The following TGFBR3 variants were observed in gnomAD, a reference collection of about 807,000 sequenced individuals.
The protein encoded by TGFBR3 is transforming growth factor beta receptor type 3.
TGFBR3 carries 46 observed loss-of-function variants against 87.9 expected under a neutral mutation model. The observed-to-expected ratio is 0.52, with a 90% CI of 0.41 to 0.67. The LOEUF is 0.67. Ranked by LOEUF, TGFBR3 falls within the 30% of genes least tolerant of loss-of-function variation. TGFBR3 has a pLI of 0.00. For synonymous variants in TGFBR3, 381 were observed against 391.6 expected (o/e 0.97, Z 0.32); for missense variants, 866 against 1,041.9 (o/e 0.83, Z 2.32).
chr1:91,696,080 T>A (rs1261867356), intron 15 of TGFBR3, among the ~76,000 whole-genome samples: 1 of 152,194 alleles, frequency 6.6e-6, no homozygotes, highest in Non-Finnish European at 1.5e-5. Flanking sequence ...ATTGTCTCAC[T>A]CTAAGGACCT....
At chr1:91,837,010 C>T (rs148154011) in intron 2 of TGFBR3, among the ~76,000 whole-genome samples, 1 of 152,216 alleles carries the variant, frequency 6.6e-6, no homozygotes, top group East Asian at 1.9e-4. Flanking sequence ...CTTCCCCTCC[C>T]TTTTGTTTCC....
chr1:91,704,389 G>A (rs190791914), intron 14 of TGFBR3, among the ~76,000 whole-genome samples: 50 of 152,040 alleles, frequency 3.3e-4, no homozygotes, highest in African/African-American at 1.1e-3. Context: ...AGGAAGAGGG[G>A]TGTGAAGACA....
intron 15 of TGFBR3, among the ~76,000 whole-genome samples, chr1:91,697,069 C>T (rs962779412): frequency 6.6e-6 from 1 of 152,138 alleles, no homozygotes; most frequent in Non-Finnish European, 1.5e-5. Flanking sequence ...GTGGGAAGAG[C>T]TCCCTGGAGG....
chr1:91,752,524 C>T (rs1038768546), intron 4 of TGFBR3, among the ~76,000 whole-genome samples: 2 of 152,152 alleles, frequency 1.3e-5, no homozygotes, highest in African/African-American at 2.4e-5. Context: ...ATCTTAGATA[C>T]CCTTTTTTCC....
intron 1 of TGFBR3, among the ~76,000 whole-genome samples, chr1:91,902,473 G>T (rs1183533863): frequency 6.6e-6 from 1 of 151,960 alleles, no homozygotes; most frequent in East Asian, 1.9e-4. Context: ...TGTAGAGACA[G>T]GGTCTTGCCA....
At chr1:91,786,049 C>A in intron 3 of TGFBR3, 1 of 368,136 alleles carries the variant, frequency 2.7e-6, no homozygotes, top group Non-Finnish European at 5.4e-6. Context: ...CAGGCGTGAG[C>A]CACCACAGCT....
intron 2 of TGFBR3, among the ~76,000 whole-genome samples, chr1:91,839,322 C>T (rs1677182260): frequency 6.6e-6 from 1 of 152,148 alleles, no homozygotes. Flanking sequence ...TTCTTCTTTA[C>T]TATTACACCT....
intron 16 of TGFBR3, among the ~76,000 whole-genome samples, chr1:91,692,057 GATA>G (rs1411092846): frequency 5.3e-5 from 8 of 152,060 alleles, no homozygotes; most frequent in Non-Finnish European, 1.2e-4. Flanking sequence ...GGTGGGGAAA[GATA>G]ATAATTAATT....
At chr1:91,791,131 T>C (rs1284293314) in intron 3 of TGFBR3, among the ~76,000 whole-genome samples, 1 of 152,158 alleles carries the variant, frequency 6.6e-6, no homozygotes. Flanking sequence ...CTCTTGCATA[T>C]CATTCTTAGC....
Position 91,709,366 on chromosome 1 carries a change from T to C in TGFBR3, c.2167-583A>G, listed in dbSNP as rs138268089. 6.6e-5 allele frequency among the ~76,000 whole-genome samples: 10 copies of C among 152,344 alleles called. No homozygotes were observed. The East Asian group carries it at 1.7e-3, about 26-fold the overall frequency. On this transcript the variant is annotated intron_variant, in intron 13 of 16. Transcript: ENST00000212355. ...GAAAAATCATGTAACACAAAGCTTA[T>C]TTCATAACAAAGTGTTGAATAGCTC...
At chr1:91,831,786 G>A (rs150198046) in intron 2 of TGFBR3, among the ~76,000 whole-genome samples, 2 of 152,266 alleles carry the variant, frequency 1.3e-5, no homozygotes, top group East Asian at 1.9e-4. Flanking sequence ...ATCAAAACAC[G>A]TAACAATTAA....
At chr1:91,904,563 A>ATTTTTTTTTT (rs111512659) in intron 1 of TGFBR3, among the ~76,000 whole-genome samples, 2 of 115,112 alleles carry the variant, frequency 1.7e-5, no homozygotes, top group African/African-American at 6.6e-5. Flanking sequence ...CATGCAGCTG[A>ATTTTTTTTTT]TTTTTTTTTT....
intron 1 of TGFBR3, among the ~76,000 whole-genome samples, chr1:91,864,705 C>T (rs1678321901): frequency 6.6e-6 from 1 of 152,202 alleles, no homozygotes; most frequent in African/African-American, 2.4e-5. Flanking sequence ...TGCCTTAACA[C>T]CCGACTTAGG....
intron 3 of TGFBR3, among the ~76,000 whole-genome samples, chr1:91,778,949 G>A (rs1674670188): frequency 6.6e-6 from 1 of 152,188 alleles, no homozygotes; most frequent in Non-Finnish European, 1.5e-5. Context: ...CAGGGACTGG[G>A]TGAAGGCAGC....
At chr1:91,702,054 C>T (rs12139498) in intron 14 of TGFBR3, among the ~76,000 whole-genome samples, 1 of 152,090 alleles carries the variant, frequency 6.6e-6, no homozygotes, top group Non-Finnish European at 1.5e-5. Context: ...TACAACTGGG[C>T]TGGTGGTGGG....
At chr1:91,727,180 A>C (rs2100802122) in intron 7 of TGFBR3, among the ~76,000 whole-genome samples, 1 of 152,348 alleles carries the variant, frequency 6.6e-6, no homozygotes, top group South Asian at 2.1e-4. Flanking sequence ...TTCGTATTTA[A>C]CTCAAAAAGA....
intron 5 of TGFBR3, among the ~76,000 whole-genome samples, 168 bp downstream of exon 5, chr1:91,734,608 G>A (rs1672891990): frequency 6.6e-6 from 1 of 152,252 alleles, no homozygotes; most frequent in Admixed American, 6.5e-5. Context: ...AAAGAAGGGA[G>A]GGAATATGGG....
intron 2 of TGFBR3, among the ~76,000 whole-genome samples, chr1:91,823,329 T>G (rs1362595823): frequency 6.6e-6 from 1 of 152,206 alleles, no homozygotes; most frequent in Non-Finnish European, 1.5e-5. Flanking sequence ...GCGTGGCAAG[T>G]TCTTATAAAG....
At chr1:91,840,774 T>A (rs181732457) in intron 2 of TGFBR3, among the ~76,000 whole-genome samples, 20 of 152,266 alleles carry the variant, frequency 1.3e-4, no homozygotes, top group Non-Finnish European at 2.1e-4. Flanking sequence ...CAACAAATAC[T>A]GTTGTTTTCC....
Sources: allele counts gnomAD v4.1 joint callset (sites outside exome capture counted in the v4.1 genomes callset), GRCh38; gene constraint gnomAD v4.1.1; transcripts MANE v1.5; gene names NCBI Gene and HGNC (gene_info 2026-07-23, HGNC 2026-07-21).